The following EYA3 variants were observed in gnomAD, a reference collection of about 807,000 sequenced individuals.
EYA3 encodes the protein EYA transcriptional coactivator and phosphatase 3, also known as protein phosphatase EYA3.
A neutral mutation model predicts 80.0 loss-of-function variants in EYA3; 39 were observed. That is an observed-to-expected ratio of 0.49 (90% CI 0.38 to 0.64). EYA3 has a LOEUF of 0.64. Among genes scored for constraint, EYA3 ranks in the 30% least tolerant of loss-of-function variants. The probability of loss-of-function intolerance (pLI) is 0.00; values close to 1 mark genes in which losing one functional copy is unlikely to be tolerated. For synonymous variants in EYA3, 206 were observed against 232.8 expected (o/e 0.88, Z 1.05); for missense variants, 523 against 676.1 (o/e 0.77, Z 2.51).
At chr1:28,080,309 T>A (rs1408623205) in intron 1 of EYA3, among the ~76,000 whole-genome samples, 1 of 148,882 alleles carries the variant, frequency 6.7e-6, no homozygotes, top group East Asian at 2.0e-4. Context: ...CAAAAAAAAT[T>A]AGTGAGGCAT....
intron 7 of EYA3, among the ~76,000 whole-genome samples, chr1:28,025,388 ACCT>A (rs1208168636): frequency 2.0e-5 from 3 of 152,154 alleles, no homozygotes; most frequent in African/African-American, 7.2e-5. Context: ...TGATACTATG[ACCT>A]CAATACTGAA....
chr1:28,000,335 C>T lies in EYA3; in HGVS notation c.994-286G>A, dbSNP rs554573439. Among the ~76,000 whole-genome samples the T allele has an allele frequency of 2.3e-4, 35 of 150,890 alleles. No homozygotes were observed. The South Asian group carries it at 6.3e-3, about 27-fold the overall frequency. On this transcript the variant is annotated intron_variant, in intron 11 of 17. Coordinates refer to ENST00000373871, the MANE Select transcript of EYA3 (RefSeq NM_001990.4). The stretch of plus-strand genomic sequence containing the variant: ...ATTTTTTTTTTCTTTTTTTTTGAGA[C>T]GGAGTCTCACTCTGTCGCCCAGGCT...
Position 27,973,677 on chromosome 1 carries a change from GC to G in EYA3, c.*788del, listed in dbSNP as rs1638810732. 6.6e-6 allele frequency: 1 copy of G among 152,308 alleles called. No homozygotes were observed. The highest frequency in any genetic ancestry group is 2.1e-4 in the South Asian group (1 of 4,820). The allele number at this position is 152,308 out of a possible 1,614,324, so 9.4% of individuals were successfully genotyped here. A position where few individuals can be genotyped will look rare whatever the true frequency, so the allele number is the denominator to read the frequency against. ...AAGTTTAAGTTACTCAGTGTCCAGT[GC>G]CCCACAGTTCACCAGCTAGGAGATA... On this transcript the variant is annotated 3_prime_UTR_variant, in exon 18 of 18. Transcript: ENST00000373871.
rs879749763 is a variant in EYA3, at chr1:28,035,411, C to T, written c.361+133G>A. 4 of 873,782 alleles carry T rather than the reference C, an allele frequency of 4.6e-6. No homozygotes were observed. The Admixed American group carries it at 7.8e-5, about 17-fold the overall frequency. The allele number at this position is 873,782 out of a possible 1,614,324, so 54.1% of individuals were successfully genotyped here. A position where few individuals can be genotyped will look rare whatever the true frequency, so the allele number is the denominator to read the frequency against. On this transcript the variant is annotated intron_variant, in intron 6 of 17. Coordinates refer to ENST00000373871, the MANE Select transcript of EYA3 (RefSeq NM_001990.4). ...TGATTTTTTTATTACATGCATCAAA[C>T]ATACTGTTGCAAAGTTGCATACCCA...
Position 28,063,757 on chromosome 1 carries a change from G to C in EYA3, c.-68-5663C>G, listed in dbSNP as rs570681430. Among the ~76,000 whole-genome samples, 3 of 152,246 alleles carry C rather than the reference G, an allele frequency of 2.0e-5. No individual in the cohort carries two copies. The South Asian group carries it at 6.2e-4, about 32-fold the overall frequency. On this transcript the variant is annotated intron_variant, in intron 1 of 17. Transcript: ENST00000373871. ...TTTAAAAGGTAGAATAGGTATTAGG[G>C]AACAAAAGGTAAAGGAAGATGAGAA...
chr1:28,064,274 A>T (rs1212036557), intron 1 of EYA3, among the ~76,000 whole-genome samples: 2 of 152,026 alleles, frequency 1.3e-5, no homozygotes, highest in Non-Finnish European at 2.9e-5. Flanking sequence ...AAAACAACCC[A>T]GTGTATGACT....
intron 14 of EYA3, among the ~76,000 whole-genome samples, chr1:27,991,448 A>C (rs1443038812): frequency 2.0e-5 from 3 of 152,218 alleles, no homozygotes; most frequent in African/African-American, 7.2e-5. Context: ...GAGAGCTCAT[A>C]TGATGGGAGC....
chr1:28,015,023 GTA>G (rs1641955842), intron 8 of EYA3, among the ~76,000 whole-genome samples: 1 of 152,192 alleles, frequency 6.6e-6, no homozygotes, highest in Non-Finnish European at 1.5e-5. Context: ...ATGTATGTGT[GTA>G]TTTGTGCATG....
intron 1 of EYA3, among the ~76,000 whole-genome samples, chr1:28,064,047 CAGAA>C (rs1204121081): frequency 2.6e-5 from 4 of 151,830 alleles, no homozygotes; most frequent in Non-Finnish European, 4.4e-5. Flanking sequence ...AATGTTAAAA[CAGAA>C]AGCCAAATAG....
intron 1 of EYA3, among the ~76,000 whole-genome samples, chr1:28,074,287 T>C (rs79754757): frequency 0.025 from 3,830 of 152,270 alleles, 74 homozygotes; most frequent in Middle Eastern, 0.054. Flanking sequence ...GGTAGAACTA[T>C]ACAACATACA....
chr1:28,002,858 C>T (rs112765047), intron 11 of EYA3, among the ~76,000 whole-genome samples: 34,302 of 151,392 alleles, frequency 0.23, 4,077 homozygotes, highest in Non-Finnish European at 0.27. Flanking sequence ...CAGTGGCTCA[C>T]ACCTGTAATC....
chr1:28,038,465 C>CA (rs1411375065), intron 5 of EYA3, among the ~76,000 whole-genome samples: 2 of 105,880 alleles, frequency 1.9e-5, no homozygotes, highest in Non-Finnish European at 3.7e-5. Context: ...AAAAAAAAAA[C>CA]CGAACACAGA....
intron 3 of EYA3, among the ~76,000 whole-genome samples, chr1:28,046,358 C>T (rs927505437): frequency 6.6e-6 from 1 of 151,928 alleles, no homozygotes; most frequent in Admixed American, 6.6e-5. Flanking sequence ...GGTTAGCCTT[C>T]GATAAGAGCA....
rs1020894633 is a variant in EYA3 at position 28,071,579 on chromosome 1, A to G, written c.-68-13485T>C. On this transcript the variant is annotated intron_variant, in intron 1 of 17. Coordinates refer to ENST00000373871, the MANE Select transcript of EYA3 (RefSeq NM_001990.4). ...AAAAACGTGACTTTTCTAACTCAAC[A>G]ATTACTTTTTTGCATGTATTTTTCT... 2.0e-5 allele frequency among the ~76,000 whole-genome samples: 3 copies of G among 152,314 alleles called. No homozygotes were observed. The South Asian group carries it at 6.2e-4, about 32-fold the overall frequency.
At chr1:28,023,108 T>TA (rs1368828109) in intron 7 of EYA3, among the ~76,000 whole-genome samples, 13 of 137,258 alleles carry the variant, frequency 9.5e-5, no homozygotes, top group African/African-American at 3.7e-4. Context: ...AACCAAAAAC[T>TA]AAAAAAATGG....
At chr1:28,085,092 T>A (rs1404593964) in intron 1 of EYA3, among the ~76,000 whole-genome samples, 1 of 152,132 alleles carries the variant, frequency 6.6e-6, no homozygotes, top group African/African-American at 2.4e-5. Context: ...ACAGAAACCA[T>A]AATGCTACAA....
intron 1 of EYA3, among the ~76,000 whole-genome samples, chr1:28,085,976 T>A (rs889954195): frequency 6.6e-6 from 1 of 152,234 alleles, no homozygotes; most frequent in Non-Finnish European, 1.5e-5. Flanking sequence ...AAACAGTTTC[T>A]TTCTCTAGTC....
chr1:27,986,020 A>T (rs1238399263), intron 16 of EYA3, among the ~76,000 whole-genome samples: 2 of 147,168 alleles, frequency 1.4e-5, no homozygotes, highest in East Asian at 2.0e-4. Flanking sequence ...TTTTTCCTTT[A>T]AAAAAAAAAG....
chr1:28,002,132 C>G (rs1455766145), intron 11 of EYA3, among the ~76,000 whole-genome samples: 3 of 152,074 alleles, frequency 2.0e-5, no homozygotes, highest in Non-Finnish European at 4.4e-5. Flanking sequence ...TCAGGCTGGT[C>G]TCGAACTCCT....
Sources: gnomAD v4.1 joint callset for allele counts (sites outside exome capture counted in the v4.1 genomes callset) on GRCh38, gnomAD v4.1.1 for gene constraint, MANE v1.5 for transcripts, NCBI Gene and HGNC (gene_info 2026-07-23, HGNC 2026-07-21) for gene names.